Variants in NR1D2 observed in about 807,000 individuals in gnomAD.
NR1D2 encodes V-erbA-related protein 1-related.
In NR1D2, 25 loss-of-function variants were observed where a neutral mutation model predicts 52.2. That is an observed-to-expected ratio of 0.48 (90% CI 0.35 to 0.67). NR1D2 has a LOEUF of 0.67. Ranked by LOEUF, NR1D2 falls within the 30% of genes least tolerant of loss-of-function variation. The pLI, the probability that NR1D2 is intolerant of heterozygous loss-of-function variation, is 0.01. For synonymous variants in NR1D2, 259 were observed against 230.1 expected (o/e 1.13, Z -1.14); for missense variants, 681 against 707.2 (o/e 0.96, Z 0.42).
At chr3:23,967,177 G>T (rs1706469314) in intron 6 of NR1D2, among the ~76,000 whole-genome samples, 1 of 152,110 alleles carries the variant, frequency 6.6e-6, no homozygotes, top group South Asian at 2.1e-4. Context: ...AATAAAATCA[G>T]CTGGGCGTGG....
intron 5 of NR1D2, among the ~76,000 whole-genome samples, chr3:23,963,934 T>G (rs77342154): frequency 0.16 from 24,803 of 150,356 alleles, 2,177 homozygotes; most frequent in Non-Finnish European, 0.21. Context: ...TTTTTTTTTT[T>G]TAATAACTTC....
Position 23,962,591 on chromosome 3 carries a change from G to A in NR1D2, c.1132G>A (p.Gly378Arg). 6.2e-7 allele frequency: 1 copy of A among 1,601,184 alleles called. No individual in the cohort carries two copies. The highest frequency in any genetic ancestry group is 1.7e-4 in the Middle Eastern group (1 of 5,750). ...GAATAGTTACCTGTGCAACACTGGA[G>A]GAAGAATGCATCTGGTATAGTGAAA... ...NKNSYLCNTG[G>R]RMHLVCPMSK... The change falls in exon 5 of 8, where the codon GGA (glycine) becomes AGA (arginine). Residue 378 changes from glycine to arginine, a missense_variant. By Grantham distance (125) the Gly-to-Arg change is moderately radical. Coordinates refer to ENST00000312521, the MANE Select transcript of NR1D2 (RefSeq NM_005126.5).
In NR1D2 at chr3:23,946,123, C is replaced by T. The variant is rs1161705820; in HGVS notation, c.16+529C>T. 1.1e-5 allele frequency: 11 copies of T among 985,026 alleles called. No homozygotes were observed. The African/African-American group carries it at 1.2e-4, about 11-fold the overall frequency. 61.0% of individuals were successfully genotyped at this position (985,026 alleles called of 1,614,324 possible). ...GGGGCAGTGACGTCGCCGCGATTCC[C>T]TCCTCCCCCGCGGGGTTGCACACTG... On this transcript the variant is annotated intron_variant, in intron 1 of 7. Coordinates refer to ENST00000312521, the MANE Select transcript of NR1D2 (RefSeq NM_005126.5).
chr3:23,964,887 T>C (rs1706397340), intron 5 of NR1D2, 90 bp from the exon 6 acceptor site: 1 of 850,524 alleles, frequency 1.2e-6, no homozygotes, highest in African/African-American at 1.7e-5. Context: ...GTTAAATTCA[T>C]GTTGGGGTTT....
chr3:23,974,566 A>G (rs1706676373), intron 7 of NR1D2, among the ~76,000 whole-genome samples: 2 of 152,154 alleles, frequency 1.3e-5, no homozygotes, highest in Non-Finnish European at 2.9e-5. Context: ...AGCACCTTAG[A>G]ACAGTAACCA....
intron 7 of NR1D2, among the ~76,000 whole-genome samples, chr3:23,970,094 G>C (rs1425307371): frequency 1.3e-5 from 2 of 152,216 alleles, no homozygotes; most frequent in African/African-American, 4.8e-5. Context: ...TTCTTAAGTA[G>C]GAGAGTGATC....
chr3:23,976,906 A>G (rs1322124660), intron 7 of NR1D2, among the ~76,000 whole-genome samples: 1 of 152,170 alleles, frequency 6.6e-6, no homozygotes, highest in African/African-American at 2.4e-5. Flanking sequence ...TTATTTTGCT[A>G]ATTAGAAGCA....
At chr3:23,969,395 A>G (rs1344194248) in intron 7 of NR1D2, among the ~76,000 whole-genome samples, 3 of 152,208 alleles carry the variant, frequency 2.0e-5, no homozygotes, top group Non-Finnish European at 2.9e-5. Context: ...TAATTTGGCT[A>G]CCTTTTCTGA....
At chr3:23,952,784 G>A (rs928958733) in intron 1 of NR1D2, among the ~76,000 whole-genome samples, 1 of 151,812 alleles carries the variant, frequency 6.6e-6, no homozygotes, top group African/African-American at 2.4e-5. Flanking sequence ...GGCATAGTAG[G>A]CACCTGTTTT....
intron 1 of NR1D2, among the ~76,000 whole-genome samples, chr3:23,952,956 G>GTT (rs556626311): frequency 6.8e-6 from 1 of 146,108 alleles, no homozygotes. Context: ...TTCTCTGCCT[G>GTT]TTTTTTTTTT....
At chr3:23,946,304 G>A in intron 1 of NR1D2, 1 of 985,392 alleles carries the variant, frequency 1.0e-6, no homozygotes, top group Non-Finnish European at 1.2e-6. Flanking sequence ...GGCGCCTGGG[G>A]AGGCTGGTAG....
intron 1 of NR1D2, among the ~76,000 whole-genome samples, chr3:23,949,022 C>A (rs1705855180): frequency 6.6e-6 from 1 of 152,164 alleles, no homozygotes; most frequent in South Asian, 2.1e-4. Context: ...CCTTGACCTC[C>A]CTTCTCCAGT....
chr3:23,961,112 A>AT (rs140335953), intron 4 of NR1D2, among the ~76,000 whole-genome samples: 2,342 of 149,716 alleles, frequency 0.016, 36 homozygotes, highest in African/African-American at 0.045. Context: ...TTTTTTAAGG[A>AT]TTTTTTTTTT....
chr3:23,974,899 A>G (rs1428906065), intron 7 of NR1D2, among the ~76,000 whole-genome samples: 1 of 149,868 alleles, frequency 6.7e-6, no homozygotes, highest in Admixed American at 6.6e-5. Flanking sequence ...ACTCACTGCA[A>G]CCTCCATCCC....
At chr3:23,951,157 G>A (rs1705918870) in intron 1 of NR1D2, among the ~76,000 whole-genome samples, 2 of 151,994 alleles carry the variant, frequency 1.3e-5, no homozygotes, top group South Asian at 2.1e-4. Flanking sequence ...CGCCTGCCTC[G>A]GCCTCCCAAA....
chr3:23,963,661 C>G (rs760153279), intron 5 of NR1D2, among the ~76,000 whole-genome samples: 31 of 151,960 alleles, frequency 2.0e-4, no homozygotes, highest in Admixed American at 2.0e-3. Flanking sequence ...GTTGGCCAGG[C>G]TGGTCTTGAA....
Position 23,956,111 on chromosome 3 carries a change from TG to T in NR1D2, c.359del (p.Cys120SerfsTer22). ...AGGATTCCACTATGGAGTTCATGCT[TG>T]CGAAGGCTGTAAGGTAAAGCATGCT... ...ASGFHYGVHA[C>X]EGCKGFFRRS... On this transcript the variant is annotated frameshift_variant, in exon 3 of 8. Coordinates refer to ENST00000312521, the MANE Select transcript of NR1D2 (RefSeq NM_005126.5). LOFTEE classifies it high-confidence loss of function. 6.2e-7 allele frequency: 1 copy of T among 1,613,366 alleles called. No individual in the cohort carries two copies. Among genetic ancestry groups the T allele is most frequent in the Non-Finnish European group, 8.5e-7 (1 of 1,179,318 alleles).
intron 7 of NR1D2, among the ~76,000 whole-genome samples, chr3:23,969,002 G>T (rs1365972068): frequency 2.0e-5 from 3 of 152,162 alleles, no homozygotes; most frequent in African/African-American, 7.2e-5. Context: ...ACAAGTTCTT[G>T]GCCAGGCGCC....
chr3:23,979,953 T>G lies in NR1D2; in HGVS notation c.*2534T>G, dbSNP rs1706835423. The G allele has an allele frequency of 6.6e-6, 1 of 151,978 alleles. No homozygotes were observed. The allele number at this position is 151,978 out of a possible 1,614,324, so 9.4% of individuals were successfully genotyped here. A position where few individuals can be genotyped will look rare whatever the true frequency, so the allele number is the denominator to read the frequency against. ...GGCATTATGTCAGCAAGCTAAAACA[T>G]TTTTTTTCCTGTGCTTTTAATGTAT... On this transcript the variant is annotated 3_prime_UTR_variant, in exon 8 of 8. Transcript: ENST00000312521.
Sources: allele counts gnomAD v4.1 joint callset (sites outside exome capture counted in the v4.1 genomes callset), GRCh38; gene constraint gnomAD v4.1.1; transcripts MANE v1.5; gene names NCBI Gene and HGNC (gene_info 2026-07-23, HGNC 2026-07-21).